INSIG2: variants seen among roughly 807,000 people sequenced by gnomAD.
The protein encoded by INSIG2 is insulin induced gene 2.
A neutral mutation model predicts 27.2 loss-of-function variants in INSIG2; 10 were observed. The ratio of observed to expected loss-of-function variants is 0.37; its 90% CI spans 0.23 to 0.62. The LOEUF is 0.62. Ranked by LOEUF, INSIG2 falls within the 20% of genes least tolerant of loss-of-function variation. INSIG2 has a pLI of 0.65. For synonymous variants in INSIG2, 97 were observed against 95.8 expected (o/e 1.01, Z -0.07); for missense variants, 178 against 270.2 (o/e 0.66, Z 2.39).
intron 2 of INSIG2, among the ~76,000 whole-genome samples, chr2:118,098,231 C>T (rs17528296): frequency 0.071 from 10,780 of 152,148 alleles, 528 homozygotes; most frequent in Admixed American, 0.1. Flanking sequence ...CCAGTAGAAG[C>T]TTTTTGGGAC....
intron 2 of INSIG2, among the ~76,000 whole-genome samples, chr2:118,101,762 T>C (rs1678550906): frequency 6.6e-6 from 1 of 152,216 alleles, no homozygotes; most frequent in Non-Finnish European, 1.5e-5. Flanking sequence ...AGGAATATAG[T>C]GTGAAACTTC....
intron 1 of INSIG2, among the ~76,000 whole-genome samples, chr2:118,092,516 A>C (rs1392247824): frequency 6.6e-6 from 1 of 152,154 alleles, no homozygotes; most frequent in African/African-American, 2.4e-5. Flanking sequence ...AAACACTTTT[A>C]TATAGAACCA....
rs1366668784 is a variant in INSIG2 at position 118,110,913 on chromosome 2, CAAT to C, written c.*2592_*2594del. 6.6e-6 allele frequency: 1 copy of C among 152,172 alleles called. No homozygotes were observed. Among genetic ancestry groups the C allele is most frequent in the Non-Finnish European group, 1.5e-5 (1 of 68,040 alleles). The allele number at this position is 152,172 out of a possible 1,614,324, so 9.4% of individuals were successfully genotyped here. ...CTTCTTTAAGGCCATTGGGACCTCT[CAAT>C]GATGCATATGTTTCATACATCTTGT... On this transcript the variant is annotated 3_prime_UTR_variant, in exon 6 of 6. Transcript: ENST00000245787.
chr2:118,098,288 A>C (rs1678459001), intron 2 of INSIG2, among the ~76,000 whole-genome samples: 1 of 152,172 alleles, frequency 6.6e-6, no homozygotes, highest in Non-Finnish European at 1.5e-5. Flanking sequence ...AGGGAAGGGA[A>C]ACTGTTGTTT....
chr2:118,091,111 A>C (rs760046752), intron 1 of INSIG2, among the ~76,000 whole-genome samples: 1 of 152,222 alleles, frequency 6.6e-6, no homozygotes, highest in Non-Finnish European at 1.5e-5. Flanking sequence ...AAAGATATAG[A>C]TCCACTTTGT....
chr2:118,092,245 G>C (rs531019515), intron 1 of INSIG2, among the ~76,000 whole-genome samples: 1 of 152,288 alleles, frequency 6.6e-6, no homozygotes, highest in East Asian at 1.9e-4. Context: ...TGAGGGCAAC[G>C]TGCTGTGTCT....
intron 2 of INSIG2, among the ~76,000 whole-genome samples, chr2:118,098,508 A>G (rs2104529611): frequency 6.6e-6 from 1 of 152,294 alleles, no homozygotes; most frequent in Admixed American, 6.5e-5. Flanking sequence ...GGGAAAAGGA[A>G]GCTACTCACA....
intron 1 of INSIG2, among the ~76,000 whole-genome samples, chr2:118,091,279 G>A (rs1678219150): frequency 6.6e-6 from 1 of 152,170 alleles, no homozygotes; most frequent in South Asian, 2.1e-4. Flanking sequence ...TTGCATGGTA[G>A]GGGGTGAAAT....
chr2:118,094,429 G>A (rs1271149179), intron 1 of INSIG2, among the ~76,000 whole-genome samples: 1 of 151,434 alleles, frequency 6.6e-6, no homozygotes, highest in African/African-American at 2.4e-5. Flanking sequence ...AAAGCAACCA[G>A]AATGCATGGC....
In INSIG2 at chr2:118,109,283, A is replaced by G. The variant is rs988870458; in HGVS notation, c.*961A>G. 6.6e-6 allele frequency: 1 copy of G among 152,194 alleles called. No individual in the cohort carries two copies. Among genetic ancestry groups the G allele is most frequent in the East Asian group, 1.9e-4 (1 of 5,198 alleles). The allele number at this position is 152,194 out of a possible 1,614,324, so 9.4% of individuals were successfully genotyped here. On this transcript the variant is annotated 3_prime_UTR_variant, in exon 6 of 6. Transcript: ENST00000245787. ...GTCTTCTATTGGGTTCTGTGAAGCA[A>G]ACCACTGTAGCTTTAGCTGGGTTCA...
intron 1 of INSIG2, among the ~76,000 whole-genome samples, chr2:118,089,726 A>G (rs1326529453): frequency 2.6e-5 from 4 of 151,860 alleles, no homozygotes; most frequent in East Asian, 3.8e-4. Flanking sequence ...AATCATGTCC[A>G]CTCGGGAAAG....
chr2:118,090,465 T>C (rs1678199259), intron 1 of INSIG2, among the ~76,000 whole-genome samples: 1 of 152,246 alleles, frequency 6.6e-6, no homozygotes, highest in Admixed American at 6.5e-5. Context: ...TATAACTCTT[T>C]TTTAACCTGA....
chr2:118,092,518 A>G (rs1678279245), intron 1 of INSIG2, among the ~76,000 whole-genome samples: 1 of 152,150 alleles, frequency 6.6e-6, no homozygotes, highest in South Asian at 2.1e-4. Flanking sequence ...ACACTTTTAT[A>G]TAGAACCATC....
At chr2:118,106,273 A>G (rs924231780) in intron 3 of INSIG2, among the ~76,000 whole-genome samples, 2 of 152,110 alleles carry the variant, frequency 1.3e-5, no homozygotes, top group South Asian at 2.1e-4. Flanking sequence ...ATAGCTGTCA[A>G]CTCTTCTATT....
intron 2 of INSIG2, among the ~76,000 whole-genome samples, chr2:118,097,780 A>AT: frequency 6.6e-6 from 1 of 152,366 alleles, no homozygotes; most frequent in South Asian, 2.1e-4. Context: ...TACTTAACAT[A>AT]TATGAATGAA....
intron 2 of INSIG2, among the ~76,000 whole-genome samples, chr2:118,102,138 G>T (rs1487269015): frequency 6.6e-6 from 1 of 152,314 alleles, no homozygotes; most frequent in African/African-American, 2.4e-5. Context: ...AGTGGTATTG[G>T]TTATTTTAAA....
At chr2:118,096,148 A>G (rs1678398943) in intron 1 of INSIG2, among the ~76,000 whole-genome samples, 2 of 152,312 alleles carry the variant, frequency 1.3e-5, no homozygotes, top group East Asian at 1.9e-4. Flanking sequence ...AGCTGTTTCT[A>G]CTATGATTCT....
rs1247302180 is a variant in INSIG2 at position 118,107,199 on chromosome 2, T to C, written c.636+10T>C. The C allele has an allele frequency of 2.5e-6, 4 of 1,574,870 alleles. No homozygotes were observed. The African/African-American group carries it at 5.4e-5, about 21-fold the overall frequency. On this transcript the variant is annotated intron_variant, in intron 5 of 5. Transcript: ENST00000245787. ...TCGACAACTGGCAATGGTAAGCTGATGCTCACTTTTCTGAATAAGATGTGG... is the reference window on the plus strand; with the variant it reads ...TCGACAACTGGCAATGGTAAGCTGACGCTCACTTTTCTGAATAAGATGTGG...
At chr2:118,103,398 A>G in intron 3 of INSIG2, 77 bp downstream of exon 3, 1 of 1,304,076 alleles carries the variant, frequency 7.7e-7, no homozygotes. Flanking sequence ...GCCCCTTACA[A>G]CTTCACTGTT....
Sources: allele counts gnomAD v4.1 joint callset (sites outside exome capture counted in the v4.1 genomes callset), GRCh38; gene constraint gnomAD v4.1.1; transcripts MANE v1.5; gene names NCBI Gene and HGNC (gene_info 2026-07-23, HGNC 2026-07-21).